COG5: variants seen among roughly 807,000 people sequenced by gnomAD.
The protein encoded by COG5 is conserved oligomeric Golgi complex subunit 5.
In COG5, 86 loss-of-function variants were observed where a neutral mutation model predicts 110.4. The observed-to-expected ratio is 0.78, with a 90% CI of 0.65 to 0.93. The LOEUF is 0.93. Among genes scored for constraint, COG5 ranks in the 40% least tolerant of loss-of-function variants. The pLI is 0.00. For missense variants in COG5, 1,077 were observed against 987.0 expected, an observed-to-expected ratio of 1.09 and a Z score of -1.22; for synonymous variants, 360 against 334.6, an observed-to-expected ratio of 1.08 and a Z score of -0.83.
intron 11 of COG5, among the ~76,000 whole-genome samples, chr7:107,307,512 T>C (rs1478187173): frequency 1.3e-5 from 2 of 152,204 alleles, no homozygotes; most frequent in African/African-American, 4.8e-5. Context: ...ATCTATATCC[T>C]GGCCAATGCC....
At position 107,352,953 on chromosome 7, in the gene COG5, A is replaced by G. The variant is rs1562984133; in HGVS notation, c.1026+9080T>C. 2.0e-5 allele frequency among the ~76,000 whole-genome samples: 3 copies of G among 152,184 alleles called. No homozygotes were observed. The South Asian group carries it at 6.2e-4, about 32-fold the overall frequency. On this transcript the variant is annotated intron_variant, in intron 10 of 21. Transcript: ENST00000297135. ...TGTGTGGATCCTTAATAATTTGTCA[A>G]TAATTTGCTACACTCACTTTCAAGC...
At chr7:107,477,866 TG>T (rs980139453) in intron 6 of COG5, among the ~76,000 whole-genome samples, 1 of 151,904 alleles carries the variant, frequency 6.6e-6, no homozygotes, top group African/African-American at 2.4e-5. Flanking sequence ...TTCTTTACGT[TG>T]GTCTTCATTA....
At chr7:107,512,973 G>A (rs937407006) in intron 6 of COG5, among the ~76,000 whole-genome samples, 2 of 152,088 alleles carry the variant, frequency 1.3e-5, no homozygotes, top group African/African-American at 4.8e-5. Flanking sequence ...ATACCATTCA[G>A]GATATAGGCA....
rs1409310586 is a variant in COG5, at chr7:107,474,849, C to T, written c.538+52388G>A. On this transcript the variant is annotated intron_variant, in intron 6 of 21. Transcript: ENST00000297135. The surrounding 1 kb of genome is among the most constrained non-coding windows in gnomAD (Gnocchi z 5.7). ...GAAAGAAAAAGACAATTTCTCTAAC[C>T]ACACAACATGAGGCTACAGACATGT... is the stretch of plus-strand genomic sequence containing the variant. 1 of 1,612,952 alleles carries T rather than the reference C, an allele frequency of 6.2e-7. No homozygotes were observed. Among genetic ancestry groups the T allele is most frequent in the Non-Finnish European group, 8.5e-7 (1 of 1,179,470 alleles).
At chr7:107,527,402 T>A in intron 5 of COG5, 45 bp from the exon 6 acceptor site, 1 of 1,604,292 alleles carries the variant, frequency 6.2e-7, no homozygotes, top group East Asian at 2.2e-5. Flanking sequence ...CATGAAGTTT[T>A]ATTACTATTA....
chr7:107,436,981 A>G (rs766749392), intron 6 of COG5, among the ~76,000 whole-genome samples: 10 of 152,230 alleles, frequency 6.6e-5, no homozygotes, highest in Non-Finnish European at 1.3e-4. Context: ...AGACATTTCA[A>G]TGACACTATT....
At chr7:107,249,711 T>C (rs143162346) in intron 16 of COG5, among the ~76,000 whole-genome samples, 67 of 136,954 alleles carry the variant, frequency 4.9e-4, no homozygotes, top group Middle Eastern at 3.8e-3. Flanking sequence ...TGTGTGTGTG[T>C]GTGTGTGTGT....
intron 6 of COG5, among the ~76,000 whole-genome samples, chr7:107,510,421 A>C (rs1394836255): frequency 6.6e-6 from 1 of 152,218 alleles, no homozygotes; most frequent in Non-Finnish European, 1.5e-5. Context: ...ACCTACAAAG[A>C]GACTTAGACT....
chr7:107,255,898 T>C (rs751823955), intron 16 of COG5, among the ~76,000 whole-genome samples: 3 of 152,158 alleles, frequency 2.0e-5, no homozygotes, highest in Non-Finnish European at 4.4e-5. Context: ...CAAGGTGTAG[T>C]AGACATAACT....
intron 7 of COG5, among the ~76,000 whole-genome samples, chr7:107,394,410 TTTTC>T (rs1310594879): frequency 3.3e-5 from 5 of 152,234 alleles, no homozygotes; most frequent in African/African-American, 7.2e-5. Context: ...GATGTGATTT[TTTTC>T]TTTCTTTCTC....
In COG5 at chr7:107,202,385, C is replaced by A; in HGVS notation, c.*1131G>T. On this transcript the variant is annotated 3_prime_UTR_variant, in exon 22 of 22. Coordinates refer to ENST00000297135, the MANE Select transcript of COG5 (RefSeq NM_006348.5). Reference sequence around the variant, plus strand: ...CAATCATGGCTTTTCATGTTACTTACCAAGTGGTGTTTCTGGTTAGGAATC... The same window carrying A: ...CAATCATGGCTTTTCATGTTACTTAACAAGTGGTGTTTCTGGTTAGGAATC... 1 of 152,602 alleles carries A rather than the reference C, an allele frequency of 6.6e-6. No homozygotes were observed. 9.5% of individuals were successfully genotyped at this position (152,602 alleles called of 1,614,324 possible).
At chr7:107,423,381 G>A (rs1793424701) in intron 6 of COG5, among the ~76,000 whole-genome samples, 1 of 152,096 alleles carries the variant, frequency 6.6e-6, no homozygotes, top group South Asian at 2.1e-4. Context: ...GAACAACTTA[G>A]CAAAACGACC....
At chr7:107,561,879 G>C (rs1803802911) in intron 1 of COG5, among the ~76,000 whole-genome samples, 1 of 152,146 alleles carries the variant, frequency 6.6e-6, no homozygotes, top group Non-Finnish European at 1.5e-5. Context: ...AGGAGGCTGA[G>C]CCAGGAGAAT....
intron 6 of COG5, among the ~76,000 whole-genome samples, chr7:107,431,784 T>C (rs1794042998): frequency 6.6e-6 from 1 of 152,066 alleles, no homozygotes; most frequent in Admixed American, 6.6e-5. Flanking sequence ...GCCTCCAACG[T>C]AGCTGGGACC....
At chr7:107,298,462 T>C (rs1470422412) in intron 11 of COG5, 116 bp from the exon 12 acceptor site, 4 of 678,182 alleles carry the variant, frequency 5.9e-6, no homozygotes, top group Non-Finnish European at 9.9e-6. Flanking sequence ...CAAAGACGTG[T>C]TCTAATGAGG....
At chr7:107,506,760 T>G (rs115272174) in intron 6 of COG5, among the ~76,000 whole-genome samples, 16 of 152,158 alleles carry the variant, frequency 1.1e-4, no homozygotes, top group African/African-American at 3.9e-4. Context: ...CCCCTCCCAG[T>G]TGGCTCACAC....
intron 14 of COG5, among the ~76,000 whole-genome samples, chr7:107,272,659 C>T (rs1344804745): frequency 1.3e-5 from 2 of 152,108 alleles, no homozygotes; most frequent in African/African-American, 4.8e-5. Context: ...CTACAGATCC[C>T]CTAAACCCAT....
At chr7:107,375,326 A>C (rs886802776) in intron 7 of COG5, among the ~76,000 whole-genome samples, 5 of 152,050 alleles carry the variant, frequency 3.3e-5, no homozygotes, top group African/African-American at 1.2e-4. Context: ...TGCCGCCATG[A>C]ACATTCTGTA....
intron 19 of COG5, among the ~76,000 whole-genome samples, chr7:107,228,173 C>T (rs984681007): frequency 6.6e-6 from 1 of 151,868 alleles, no homozygotes; most frequent in Admixed American, 6.6e-5. Flanking sequence ...TGGTGGCACA[C>T]ACCTGTAGTC....
Sources: gnomAD v4.1 joint callset for allele counts (sites outside exome capture counted in the v4.1 genomes callset) on GRCh38, gnomAD v4.1.1 for gene constraint, Gnocchi (gnomAD v3.1) non-coding constraint, MANE v1.5 for transcripts, NCBI Gene and HGNC (gene_info 2026-07-23, HGNC 2026-07-21) for gene names.